ABCC1: variants seen among roughly 807,000 people sequenced by gnomAD.
ABCC1 encodes multidrug resistance-associated protein 1.
A neutral mutation model predicts 172.9 loss-of-function variants in ABCC1; 83 were observed. The ratio of observed to expected loss-of-function variants is 0.48; its 90% confidence interval spans 0.40 to 0.58. The LOEUF (loss-of-function observed/expected upper bound fraction) is 0.58. ABCC1 is among the 20% of genes least tolerant of loss of function. The pLI is 0.00. For synonymous variants in ABCC1, 937 were observed against 825.2 expected (o/e 1.14, Z -2.32); for missense variants, 1,817 against 2,002.7 (o/e 0.91, Z 1.77).
intron 10 of ABCC1, 64 bp from the exon 11 acceptor site, chr16:16,052,660 A>T: frequency 6.6e-7 from 1 of 1,507,240 alleles, no homozygotes; most frequent in African/African-American, 1.4e-5. Flanking sequence ...CAACCGGGGA[A>T]GCTGTTACGG....
Position 16,079,351 on chromosome 16 carries a change from G to A in ABCC1, c.1989-1G>A. On this transcript the variant is annotated splice_acceptor_variant, in intron 15 of 30. Transcript: ENST00000399410. LOFTEE classifies it high-confidence loss of function. ...GAGCCAGGTGTGTTGTGTCGTTTCAGCATCACCTTCTCCATCCCCGAAGGT... is the reference window on the plus strand; with the variant it reads ...GAGCCAGGTGTGTTGTGTCGTTTCAACATCACCTTCTCCATCCCCGAAGGT... 1 of 1,613,936 alleles carries A rather than the reference G, an allele frequency of 6.2e-7. No individual in the cohort carries two copies. The highest frequency in any genetic ancestry group is 1.1e-5 in the South Asian group (1 of 91,070).
At chr16:16,107,322 C>T (rs1430497861) in intron 21 of ABCC1, among the ~76,000 whole-genome samples, 1 of 152,150 alleles carries the variant, frequency 6.6e-6, no homozygotes, top group Middle Eastern at 3.2e-3. Flanking sequence ...TGGAGTCTCA[C>T]TCTGTCACCA....
chr16:16,095,129 C>G (rs2051420350), intron 19 of ABCC1: 1 of 152,188 alleles, frequency 6.6e-6, no homozygotes, highest in Non-Finnish European at 1.5e-5. Flanking sequence ...CACAAATGTT[C>G]TTAAGGTGAA....
At position 16,048,267 on chromosome 16, in the gene ABCC1, C is replaced by T. The variant is rs770162860; in HGVS notation, c.1344C>T (p.Pro448=). The T allele has an allele frequency of 4.3e-6, 7 of 1,614,160 alleles. No individual in the cohort carries two copies. In the South Asian group the frequency reaches 4.4e-5, roughly 10 times the overall value. ...ATYINMIWSA[P]LQVILALYLL... The stretch of plus-strand genomic sequence containing the variant: ...ACATTAACATGATCTGGTCAGCCCC[C>T]CTGCAAGTCATCCTTGCTCTCTACC... Residue 448 remains proline, a synonymous_variant, in exon 10 of 31, where the codon CCC becomes CCT. Transcript: ENST00000399410.
intron 6 of ABCC1, among the ~76,000 whole-genome samples, chr16:16,035,931 T>C (rs758630891): frequency 3.3e-5 from 5 of 151,176 alleles, no homozygotes; most frequent in African/African-American, 1.2e-4. Context: ...TTGGGCAACA[T>C]AGGGAGACTC....
In ABCC1 at chr16:16,134,483, G is replaced by A. The variant is rs1316294670; in HGVS notation, c.4100G>A (p.Arg1367His). The change falls in exon 28 of 31, where the codon CGC becomes CAC. Residue 1367 changes from arginine (R) to histidine (H), a missense_variant. By Grantham distance (29) the Arg-to-His change is conservative. Transcript: ENST00000399410. ...NIAKIGLHDLRFKITIIPQDP... is the reference protein window; with the variant it reads ...NIAKIGLHDLHFKITIIPQDP... ...GCCAAGATCGGCCTGCACGACCTCC[G>A]CTTCAAGATCACCATCATCCCCCAG... 17 of 1,614,012 alleles carry A rather than the reference G, an allele frequency of 1.1e-5. No individual in the cohort carries two copies. The highest frequency in any genetic ancestry group is 1.7e-5 in the Admixed American group (1 of 59,998).
rs2048445330 is a variant in ABCC1, at chr16:16,028,318, G to A, written c.616-4791G>A. 2.6e-5 allele frequency among the ~76,000 whole-genome samples: 4 copies of A among 152,254 alleles called. No homozygotes were observed. The South Asian group carries it at 8.3e-4, about 32-fold the overall frequency. On this transcript the variant is annotated intron_variant, in intron 5 of 30. Transcript: ENST00000399410. ...TTACTGTCCATCTTCCCCAGGGCAG[G>A]AGGCTGAATGGGGCAGGGGTCTCGC...
At chr16:16,082,077 A>G (rs2050825950) in intron 16 of ABCC1, among the ~76,000 whole-genome samples, 1 of 152,156 alleles carries the variant, frequency 6.6e-6, no homozygotes, top group Non-Finnish European at 1.5e-5. Context: ...CCCACCAAGT[A>G]TAGGCCCCCT....
chr16:15,966,108 G>A (rs1306145970), intron 1 of ABCC1, among the ~76,000 whole-genome samples: 1 of 151,956 alleles, frequency 6.6e-6, no homozygotes, highest in Non-Finnish European at 1.5e-5. Context: ...CAGAGTGGAC[G>A]ATGGTGCATG....
At chr16:16,055,527 G>A (rs1378890940) in intron 11 of ABCC1, among the ~76,000 whole-genome samples, 8 of 150,518 alleles carry the variant, frequency 5.3e-5, no homozygotes, top group Non-Finnish European at 8.8e-5. Flanking sequence ...TCCAGCCTGG[G>A]CAAGAGAGCG....
chr16:15,955,459 A>G (rs1318826936), intron 1 of ABCC1, among the ~76,000 whole-genome samples: 1 of 152,172 alleles, frequency 6.6e-6, no homozygotes, highest in Admixed American at 6.5e-5. Context: ...AAAACCCTGC[A>G]GTAGTTCCTT....
chr16:16,141,045 T>A, intron 30 of ABCC1, 128 bp from the exon 31 acceptor site: 2 of 723,300 alleles, frequency 2.8e-6, no homozygotes, highest in South Asian at 3.3e-5. Context: ...TGGAAGGTAC[T>A]GCACCAGTCC....
chr16:16,069,164 AAATAAAAATAAAT>A (rs1444839880), intron 13 of ABCC1, among the ~76,000 whole-genome samples: 53 of 131,282 alleles, frequency 4.0e-4, no homozygotes, highest in Middle Eastern at 4.1e-3. Flanking sequence ...AAATAAAATA[AAATAAAAATAAAT>A]AAATAAATAA....
intron 7 of ABCC1, among the ~76,000 whole-genome samples, chr16:16,039,235 A>ATGTGTGTG (rs1567337955): frequency 1.9e-5 from 2 of 102,794 alleles, no homozygotes; most frequent in African/African-American, 3.2e-5. Context: ...GTGTGTGTGT[A>ATGTGTGTG]TGTATGTGTG....
intron 1 of ABCC1, among the ~76,000 whole-genome samples, chr16:15,973,009 G>T (rs1246870426): frequency 6.6e-6 from 1 of 151,912 alleles, no homozygotes; most frequent in Non-Finnish European, 1.5e-5. Flanking sequence ...TGCCCAGGCT[G>T]CTCTTGAACT....
At chr16:16,017,885 G>A (rs188641673) in intron 5 of ABCC1, among the ~76,000 whole-genome samples, 1 of 152,184 alleles carries the variant, frequency 6.6e-6, no homozygotes, top group East Asian at 1.9e-4. Flanking sequence ...CCAGGCAGAG[G>A]GGAATAAGTA....
chr16:16,045,254 CG>C (rs2049155577), intron 8 of ABCC1, among the ~76,000 whole-genome samples: 1 of 151,780 alleles, frequency 6.6e-6, no homozygotes, highest in Non-Finnish European at 1.5e-5. Flanking sequence ...AAAAATTAGC[CG>C]GGCGTGGTGG....
Position 16,071,720 on chromosome 16 carries a change from G to A in ABCC1, c.1903G>A (p.Val635Ile). Residue 635 changes from valine (V) to isoleucine (I), a missense_variant, in exon 14 of 31, where the codon GTC (valine) becomes ATC (isoleucine). Transcript: ENST00000399410. ...ACCTGACAGCATCGAGCGACGGCCTGTCAAAGACGGTGTGTGTGTGTTCAG... is the reference window on the plus strand; with the variant it reads ...ACCTGACAGCATCGAGCGACGGCCTATCAAAGACGGTGTGTGTGTGTTCAG... The part of the protein sequence containing the change: ...LEPDSIERRP[V>I]KDGGGTNSIT... The A allele has an allele frequency of 1.9e-6, 3 of 1,613,326 alleles. No individual in the cohort carries two copies. The highest frequency in any genetic ancestry group is 2.5e-6 in the Non-Finnish European group (3 of 1,179,710).
At position 16,037,162 on chromosome 16, in the gene ABCC1, G is replaced by A. The variant is rs1039079301; in HGVS notation, c.809+559G>A. Among the ~76,000 whole-genome samples the A allele has an allele frequency of 4.0e-5, 6 of 151,646 alleles. No individual in the cohort carries two copies. In the South Asian group the frequency reaches 6.2e-4, roughly 16 times the overall value. On this transcript the variant is annotated intron_variant, in intron 7 of 30. Transcript: ENST00000399410. ...GGCAGTTGATGCTGTCTGCCATGGC[G>A]CGTGACTATCCCTCCTTGAGTCAGT...
Sources: gnomAD v4.1 joint callset for allele counts (sites outside exome capture counted in the v4.1 genomes callset) on GRCh38, gnomAD v4.1.1 for gene constraint, MANE v1.5 for transcripts, NCBI Gene and HGNC (gene_info 2026-07-23, HGNC 2026-07-21) for gene names.